GRIN2A: variants seen among roughly 807,000 people sequenced by gnomAD.
GRIN2A encodes glutamate ionotropic receptor NMDA type subunit 2A.
Under a neutral mutation model 113.4 loss-of-function variants are expected in GRIN2A, and 22 were observed. The observed-to-expected ratio is 0.19, with a 90% confidence interval of 0.14 to 0.28. GRIN2A has a LOEUF of 0.28. GRIN2A is among the 10% of genes least tolerant of loss of function. The pLI is 1.00. For missense variants in GRIN2A, 1,502 were observed against 1,887.0 expected (o/e 0.80, Z 3.78); for synonymous variants, 827 against 738.4 (o/e 1.12, Z -1.94).
intron 3 of GRIN2A, among the ~76,000 whole-genome samples, chr16:9,892,192 T>C (rs376754243): frequency 2.0e-4 from 31 of 152,058 alleles, no homozygotes; most frequent in African/African-American, 6.8e-4. Flanking sequence ...GATCGTGCCA[T>C]TGCACTCCAG....
At chr16:9,779,842 T>C (rs1379577262) in intron 11 of GRIN2A, among the ~76,000 whole-genome samples, 1 of 152,128 alleles carries the variant, frequency 6.6e-6, no homozygotes, top group African/African-American at 2.4e-5. Flanking sequence ...TGGCCAGGGA[T>C]GAGTGGAAGA....
intron 2 of GRIN2A, among the ~76,000 whole-genome samples, chr16:10,150,806 C>T (rs2049552652): frequency 6.6e-6 from 1 of 152,174 alleles, no homozygotes. Flanking sequence ...GTACTTAACA[C>T]TACCTAAAAT....
At chr16:10,065,317 T>C (rs2047628611) in intron 2 of GRIN2A, among the ~76,000 whole-genome samples, 1 of 152,210 alleles carries the variant, frequency 6.6e-6, no homozygotes, top group South Asian at 2.1e-4. Flanking sequence ...AGCAAAAGAA[T>C]GCACCTGCAA....
intron 7 of GRIN2A, among the ~76,000 whole-genome samples, chr16:9,836,172 G>A (rs1266860405): frequency 3.9e-5 from 6 of 152,178 alleles, no homozygotes; most frequent in African/African-American, 1.2e-4. Flanking sequence ...TGTCTTATTG[G>A]AGGAGGATCA....
intron 11 of GRIN2A, among the ~76,000 whole-genome samples, chr16:9,794,902 G>C (rs1484748078): frequency 7.5e-6 from 1 of 134,024 alleles, no homozygotes; most frequent in Non-Finnish European, 1.6e-5. Context: ...TTGTGCACGG[G>C]CAACTATGGT....
intron 3 of GRIN2A, among the ~76,000 whole-genome samples, chr16:9,921,381 T>A (rs2044356047): frequency 6.6e-6 from 1 of 152,272 alleles, no homozygotes; most frequent in Admixed American, 6.5e-5. Flanking sequence ...AAAACACAAC[T>A]GACCCCTTTT....
At chr16:9,896,767 T>C (rs997604589) in intron 3 of GRIN2A, among the ~76,000 whole-genome samples, 5 of 152,176 alleles carry the variant, frequency 3.3e-5, no homozygotes, top group African/African-American at 1.2e-4. Context: ...TTACCTTCAA[T>C]TCCCCCACCC....
intron 2 of GRIN2A, among the ~76,000 whole-genome samples, chr16:10,159,740 A>G (rs922825858): frequency 1.3e-5 from 2 of 152,232 alleles, no homozygotes; most frequent in Non-Finnish European, 2.9e-5. Flanking sequence ...AGATAGCTAA[A>G]TGATACACAA....
At chr16:10,019,508 C>T (rs533048576) in intron 2 of GRIN2A, among the ~76,000 whole-genome samples, 192 of 152,284 alleles carry the variant, frequency 1.3e-3, no homozygotes, top group Admixed American at 3.8e-3. Flanking sequence ...TTTGTGGACC[C>T]ATTTTAATGA....
At chr16:10,011,682 A>AT (rs936832079) in intron 2 of GRIN2A, among the ~76,000 whole-genome samples, 18 of 151,462 alleles carry the variant, frequency 1.2e-4, no homozygotes, top group East Asian at 3.9e-4. Flanking sequence ...CTAATTAATT[A>AT]TTTTTTTTTA....
At chr16:10,140,419 G>A (rs9941317) in intron 2 of GRIN2A, among the ~76,000 whole-genome samples, 2,525 of 152,230 alleles carry the variant, frequency 0.017, 71 homozygotes, top group African/African-American at 0.058. Flanking sequence ...GACACATCCA[G>A]GGTCGGAGTG....
chr16:9,924,069 C>T (rs556961839), intron 3 of GRIN2A, among the ~76,000 whole-genome samples: 185 of 148,036 alleles, frequency 1.2e-3, no homozygotes, highest in Admixed American at 5.0e-3. Flanking sequence ...CGAGATTGCA[C>T]CACTGCACTC....
At chr16:9,797,018 C>G (rs1044251097) in intron 11 of GRIN2A, among the ~76,000 whole-genome samples, 1 of 152,230 alleles carries the variant, frequency 6.6e-6, no homozygotes, top group African/African-American at 2.4e-5. Flanking sequence ...CTGTGAGAAT[C>G]TAGGATTTAA....
At chr16:9,844,372 C>T (rs930092465) in intron 5 of GRIN2A, among the ~76,000 whole-genome samples, 4 of 152,110 alleles carry the variant, frequency 2.6e-5, no homozygotes, top group Non-Finnish European at 5.9e-5. Flanking sequence ...GAAAAAGGCA[C>T]GCAGCAAAGG....
At chr16:9,812,678 A>G (rs1264460426) in intron 10 of GRIN2A, among the ~76,000 whole-genome samples, 1 of 151,888 alleles carries the variant, frequency 6.6e-6, no homozygotes, top group Non-Finnish European at 1.5e-5. Flanking sequence ...AATAAACAAT[A>G]AAATAAATAA....
intron 2 of GRIN2A, among the ~76,000 whole-genome samples, chr16:10,110,933 G>C (rs1319588948): frequency 6.6e-6 from 1 of 152,188 alleles, no homozygotes; most frequent in African/African-American, 2.4e-5. Flanking sequence ...GGTGGATTCA[G>C]TTTCTGCTAT....
chr16:10,150,405 G>T (rs962579472), intron 2 of GRIN2A, among the ~76,000 whole-genome samples: 1 of 152,150 alleles, frequency 6.6e-6, no homozygotes, highest in African/African-American at 2.4e-5. Context: ...AGAGTAGAAG[G>T]AACCTTCTTG....
intron 2 of GRIN2A, among the ~76,000 whole-genome samples, chr16:10,138,510 C>T (rs778366961): frequency 5.9e-5 from 9 of 152,242 alleles, no homozygotes; most frequent in South Asian, 4.1e-4. Flanking sequence ...CGTGAGAACT[C>T]GCTTACTATC....
At chr16:10,132,612 A>G (rs2049090421) in intron 2 of GRIN2A, among the ~76,000 whole-genome samples, 1 of 152,222 alleles carries the variant, frequency 6.6e-6, no homozygotes, top group Non-Finnish European at 1.5e-5. Flanking sequence ...ATGGGGTTAA[A>G]TCCCAGAGCC....
Sources: allele counts gnomAD v4.1 joint callset (sites outside exome capture counted in the v4.1 genomes callset), GRCh38; gene constraint gnomAD v4.1.1; transcripts MANE v1.5; gene names NCBI Gene and HGNC (gene_info 2026-07-23, HGNC 2026-07-21).